Variants in ARID2 observed in about 807,000 individuals in gnomAD.
The protein encoded by ARID2 is AT-rich interactive domain-containing protein 2.
Under a neutral mutation model 184.6 loss-of-function variants are expected in ARID2, and 32 were observed. That is an observed-to-expected ratio of 0.17 (90% CI 0.13 to 0.23). ARID2 has a LOEUF of 0.23. Ranked by LOEUF, ARID2 falls within the 10% of genes least tolerant of loss-of-function variation. The probability of loss-of-function intolerance (pLI) is 1.00; values close to 1 mark genes in which losing one functional copy is unlikely to be tolerated. For synonymous variants in ARID2, 836 were observed against 772.6 expected (o/e 1.08, Z -1.36); for missense variants, 1,696 against 2,197.6 (o/e 0.77, Z 4.56).
chr12:45,827,372 GAAAAA>G (rs1424643511), intron 6 of ARID2, among the ~76,000 whole-genome samples: 1 of 151,778 alleles, frequency 6.6e-6, no homozygotes, highest in Admixed American at 6.6e-5. Context: ...TTATTTCAGA[GAAAAA>G]AATACTTGAA....
intron 3 of ARID2, among the ~76,000 whole-genome samples, chr12:45,804,455 G>A (rs534871455): frequency 6.6e-6 from 1 of 151,656 alleles, no homozygotes; most frequent in South Asian, 2.1e-4. Flanking sequence ...TGTTTAATGA[G>A]TAAATTAGTT....
At chr12:45,733,652 A>G (rs931703477) in intron 3 of ARID2, among the ~76,000 whole-genome samples, 4 of 152,204 alleles carry the variant, frequency 2.6e-5, no homozygotes, top group Non-Finnish European at 5.9e-5. Context: ...TATTAATTGG[A>G]TGGATGGCTG....
intron 3 of ARID2, among the ~76,000 whole-genome samples, chr12:45,786,309 G>A (rs1942195568): frequency 6.6e-6 from 1 of 152,120 alleles, no homozygotes; most frequent in African/African-American, 2.4e-5. Flanking sequence ...AAAGGGTATG[G>A]ATTTATCCTT....
chr12:45,757,367 C>G (rs932676989), intron 3 of ARID2, among the ~76,000 whole-genome samples: 4 of 152,240 alleles, frequency 2.6e-5, no homozygotes, highest in African/African-American at 7.2e-5. Flanking sequence ...ATTGTCCCAT[C>G]TCTTCCCACT....
In ARID2 at chr12:45,837,377, A is replaced by G. The variant is rs778650250; in HGVS notation, c.1080A>G (p.Thr360=). The G allele has an allele frequency of 2.6e-5, 42 of 1,612,474 alleles. No homozygotes were observed. The highest frequency in any genetic ancestry group is 3.5e-5 in the Non-Finnish European group (41 of 1,179,526). ...KTTHLMFHTV[T]KCLMSRDRFL... is the part of the protein sequence containing the mutation. ...CTCATCTGATGTTTCATACTGTTAC[A>G]AAATGTCTAATGTCAAGGGATAGAT... is the stretch of plus-strand genomic sequence containing the variant. Residue 360 remains threonine, a synonymous_variant, in exon 9 of 21, where the codon ACA becomes ACG. Transcript: ENST00000334344.
Position 45,907,425 on chromosome 12 carries a change from T to C in ARID2, c.*2347T>C. The C allele has an allele frequency of 4.3e-6, 1 of 233,404 alleles. No homozygotes were observed. Among genetic ancestry groups the C allele is most frequent in the Non-Finnish European group, 8.5e-6 (1 of 117,882 alleles). The allele number at this position is 233,404 out of a possible 1,614,324, so 14.5% of individuals were successfully genotyped here. A position where few individuals can be genotyped will look rare whatever the true frequency, so the allele number is the denominator to read the frequency against. On this transcript the variant is annotated 3_prime_UTR_variant, in exon 21 of 21. Coordinates refer to ENST00000334344, the MANE Select transcript of ARID2 (RefSeq NM_152641.4). ...TTCACCATTCTTCCACCTCATTGAA[T>C]TGCATGCTGTAGTTCTAGCTTTTCT...
chr12:45,863,135 T>C (rs1211872203), intron 16 of ARID2, among the ~76,000 whole-genome samples: 1 of 152,164 alleles, frequency 6.6e-6, no homozygotes, highest in Non-Finnish European at 1.5e-5. Flanking sequence ...TTTGAGATGG[T>C]TGGAGAGTTT....
intron 3 of ARID2, among the ~76,000 whole-genome samples, chr12:45,775,540 T>A (rs1029973018): frequency 6.6e-6 from 1 of 152,236 alleles, no homozygotes; most frequent in Non-Finnish European, 1.5e-5. Context: ...GTTCTTACAA[T>A]TTGATGCGTT....
chr12:45,819,122 AATGT>A (rs1942854199), intron 5 of ARID2, among the ~76,000 whole-genome samples: 1 of 152,174 alleles, frequency 6.6e-6, no homozygotes, highest in Admixed American at 6.5e-5. Context: ...CTTTGAAAAG[AATGT>A]ATATTTTCAA....
At chr12:45,791,249 G>C (rs1346322568) in intron 3 of ARID2, among the ~76,000 whole-genome samples, 1 of 151,576 alleles carries the variant, frequency 6.6e-6, no homozygotes, top group Non-Finnish European at 1.5e-5. Context: ...CAGTCCTAAT[G>C]GTATGAAGTA....
intron 16 of ARID2, 30 bp from the exon 17 acceptor site, chr12:45,891,750 C>T (rs1261553198): frequency 6.2e-7 from 1 of 1,602,692 alleles, no homozygotes; most frequent in Non-Finnish European, 8.5e-7. Context: ...TTGAATACAT[C>T]CAAGTGTCTA....
intron 3 of ARID2, among the ~76,000 whole-genome samples, chr12:45,783,134 CAA>C (rs1002906670): frequency 8.4e-6 from 1 of 119,396 alleles, no homozygotes; most frequent in Non-Finnish European, 1.8e-5. Context: ...ACTCTGTCTC[CAA>C]AAAAAAAAGT....
At chr12:45,768,120 A>C (rs1053066515) in intron 3 of ARID2, among the ~76,000 whole-genome samples, 1 of 151,824 alleles carries the variant, frequency 6.6e-6, no homozygotes, top group African/African-American at 2.4e-5. Context: ...TAGAAACTTC[A>C]CTCCAGACTG....
At chr12:45,735,944 T>C (rs1193266413) in intron 3 of ARID2, among the ~76,000 whole-genome samples, 2 of 152,254 alleles carry the variant, frequency 1.3e-5, no homozygotes, top group Non-Finnish European at 2.9e-5. Flanking sequence ...TTTTCTACCT[T>C]AGCTGTTAAC....
Position 45,811,563 on chromosome 12 carries a change from T to G in ARID2, c.418+12T>G. On this transcript the variant is annotated intron_variant, in intron 4 of 20. Coordinates refer to ENST00000334344, the MANE Select transcript of ARID2 (RefSeq NM_152641.4). ...ACACAGTGTGTCGGGTAAATATCAC[T>G]GCAAATTAACAGGATATATGTCCGC... is the stretch of plus-strand genomic sequence containing the variant. 6.2e-7 allele frequency: 1 copy of G among 1,611,500 alleles called. No homozygotes were observed.
At chr12:45,784,486 T>C (rs1252256439) in intron 3 of ARID2, among the ~76,000 whole-genome samples, 1 of 152,144 alleles carries the variant, frequency 6.6e-6, no homozygotes, top group African/African-American at 2.4e-5. Flanking sequence ...GGCGGTGGCC[T>C]GGGCAATGTG....
intron 16 of ARID2, among the ~76,000 whole-genome samples, chr12:45,864,261 G>A (rs1156578633): frequency 6.6e-6 from 1 of 151,814 alleles, no homozygotes; most frequent in Non-Finnish European, 1.5e-5. Context: ...CTAAAAGTTA[G>A]GGACCTCACT....
chr12:45,813,523 T>C (rs1942751136), intron 4 of ARID2, among the ~76,000 whole-genome samples: 1 of 151,176 alleles, frequency 6.6e-6, no homozygotes, highest in South Asian at 2.1e-4. Flanking sequence ...TTTAAAGAAA[T>C]TTACTTAGAA....
intron 3 of ARID2, among the ~76,000 whole-genome samples, chr12:45,796,087 T>TA (rs567640515): frequency 3.3e-5 from 5 of 152,202 alleles, no homozygotes; most frequent in African/African-American, 1.2e-4. Context: ...CTCTACCACT[T>TA]AAAAAATGAT....
Sources: gnomAD v4.1 joint callset for allele counts (sites outside exome capture counted in the v4.1 genomes callset) on GRCh38, gnomAD v4.1.1 for gene constraint, MANE v1.5 for transcripts, NCBI Gene and HGNC (gene_info 2026-07-23, HGNC 2026-07-21) for gene names.